Variants in ZBTB41 observed in about 807,000 individuals in gnomAD.
The protein encoded by ZBTB41 is zinc finger and BTB domain containing 41, also known as zinc finger and BTB domain-containing protein 41.
A neutral mutation model predicts 87.6 loss-of-function variants in ZBTB41; 42 were observed. That is an observed-to-expected ratio of 0.48 (90% confidence interval 0.37 to 0.62). ZBTB41 has a LOEUF of 0.62. Ranked by LOEUF, ZBTB41 falls within the 20% of genes least tolerant of loss-of-function variation. The pLI, the probability that ZBTB41 is intolerant of heterozygous loss-of-function variation, is 0.00. For missense variants in ZBTB41, 799 were observed against 1,078.9 expected (o/e 0.74, Z 3.63); for synonymous variants, 364 against 364.0 (o/e 1.00, Z 0.00).
chr1:197,195,657 T>C (rs1660145344), intron 2 of ZBTB41, among the ~76,000 whole-genome samples: 1 of 152,148 alleles, frequency 6.6e-6, no homozygotes, highest in African/African-American at 2.4e-5. Context: ...TTTAATCTAA[T>C]GAAAGATTTT....
Position 197,153,697 on chromosome 1 carries a change from T to G in ZBTB41, c.*5662A>C, listed in dbSNP as rs924840276. ...ATATGCTGTATTAGGACCAAAGAAC[T>G]TTATATTTATTTTAAATATCAAAGT... On this transcript the variant is annotated 3_prime_UTR_variant, in exon 11 of 11. Transcript: ENST00000367405. 2.0e-5 allele frequency: 3 copies of G among 152,152 alleles called. No homozygotes were observed. Among genetic ancestry groups the G allele is most frequent in the Admixed American group, 6.5e-5 (1 of 15,276 alleles). The allele number at this position is 152,152 out of a possible 1,614,324, so 9.4% of individuals were successfully genotyped here. A position where few individuals can be genotyped will look rare whatever the true frequency, so the allele number is the denominator to read the frequency against.
intron 2 of ZBTB41, 21 bp downstream of exon 2, chr1:197,199,333 A>C: frequency 6.8e-7 from 1 of 1,473,292 alleles, no homozygotes; most frequent in Non-Finnish European, 9.0e-7. Flanking sequence ...TAGAGATAGA[A>C]AACCAGTTTT....
chr1:197,167,958 A>G (rs1659390356), intron 10 of ZBTB41, among the ~76,000 whole-genome samples: 1 of 152,116 alleles, frequency 6.6e-6, no homozygotes, highest in Non-Finnish European at 1.5e-5. Flanking sequence ...TATAAAGACT[A>G]AAAAGGGGAA....
Position 197,199,741 on chromosome 1 carries a change from C to T in ZBTB41, c.733G>A (p.Glu245Lys). 1 of 1,613,476 alleles carries T rather than the reference C, an allele frequency of 6.2e-7. No individual in the cohort carries two copies. The highest frequency in any genetic ancestry group is 8.5e-7 in the Non-Finnish European group (1 of 1,179,908). Residue 245 changes from glutamate to lysine, a missense_variant, in exon 2 of 11, where the codon GAG becomes AAG. Glu to Lys is a moderately conservative substitution (Grantham distance 56). Coordinates refer to ENST00000367405, the MANE Select transcript of ZBTB41 (RefSeq NM_194314.3). ...LGKKHGLKML[E>K]RSFSARRSKR... ...GATCTTCTTGCGGAGAAACTTCTCT[C>T]CAGCATTTTTAACCCATGTTTTTTC...
chr1:197,181,038 A>G lies in ZBTB41; in HGVS notation c.1626T>C (p.Gly542=). 2 of 1,605,602 alleles carry G rather than the reference A, an allele frequency of 1.2e-6. No homozygotes were observed. Among genetic ancestry groups the G allele is most frequent in the South Asian group, 2.2e-5 (2 of 89,324 alleles). Residue 542 remains glycine, a synonymous_variant, in exon 6 of 11, where the codon GGT becomes GGC. Transcript: ENST00000367405. ...TAAAGCAAGTCCATTTTCTCTTTCC[A>G]CCATGAGTACATTCTATATGACGTT... is the stretch of plus-strand genomic sequence containing the variant. ...NLKRHIECTH[G]GKRKWTCFIC... is the part of the protein sequence containing the mutation.
intron 5 of ZBTB41, among the ~76,000 whole-genome samples, chr1:197,187,152 C>T (rs1373376766): frequency 1.3e-5 from 2 of 152,160 alleles, no homozygotes; most frequent in African/African-American, 2.4e-5. Context: ...CAGTTTCTTA[C>T]AAACTAATTA....
At chr1:197,163,407 C>T (rs753861300) in intron 10 of ZBTB41, among the ~76,000 whole-genome samples, 4 of 150,574 alleles carry the variant, frequency 2.7e-5, no homozygotes, top group Non-Finnish European at 4.4e-5. Context: ...ATGTACAGGA[C>T]AATACAGGAA....
In ZBTB41 at chr1:197,158,524, T is replaced by C. The variant is rs1179493589; in HGVS notation, c.*835A>G. On this transcript the variant is annotated 3_prime_UTR_variant, in exon 11 of 11. Coordinates refer to ENST00000367405, the MANE Select transcript of ZBTB41 (RefSeq NM_194314.3). ...AGTGAGATGAAGACATATGCTATGT[T>C]GTATTGTCAACATTTCTGAAATAAA... The C allele has an allele frequency of 6.6e-6, 1 of 152,516 alleles. No individual in the cohort carries two copies. Among genetic ancestry groups the C allele is most frequent in the East Asian group, 1.9e-4 (1 of 5,202 alleles). The allele number at this position is 152,516 out of a possible 1,614,324, so 9.4% of individuals were successfully genotyped here.
chr1:197,194,015 C>T (rs923677453), intron 2 of ZBTB41, among the ~76,000 whole-genome samples: 1 of 151,812 alleles, frequency 6.6e-6, no homozygotes, highest in Non-Finnish European at 1.5e-5. Flanking sequence ...CTTAAATCTT[C>T]TCATCTTTCT....
At chr1:197,196,281 C>T (rs1457511531) in intron 2 of ZBTB41, among the ~76,000 whole-genome samples, 5 of 152,116 alleles carry the variant, frequency 3.3e-5, no homozygotes, top group African/African-American at 1.2e-4. Flanking sequence ...TTTAAATAAA[C>T]TGTACTTCTA....
chr1:197,166,204 A>G lies in ZBTB41; in HGVS notation c.2074+5956T>C, dbSNP rs143484474. On this transcript the variant is annotated intron_variant, in intron 10 of 10. Transcript: ENST00000367405. Reference sequence around the variant, plus strand: ...TTAAAGTATAATAATAAAAAAAAAGAAGAAATACAAGCAAAATGGGAGAAA... The same window carrying G: ...TTAAAGTATAATAATAAAAAAAAAGGAGAAATACAAGCAAAATGGGAGAAA... Among the ~76,000 whole-genome samples, 1,336 of 152,304 alleles carry G rather than the reference A, an allele frequency of 8.8e-3. 16 individuals carry two copies. The highest frequency in any genetic ancestry group is 0.028 in the African/African-American group (1,181 of 41,568).
Position 197,199,686 on chromosome 1 carries a change from A to G in ZBTB41, c.788T>C (p.Phe263Ser). ...SKRNRKCPVKFDDTSDDEQES... is the reference protein window; with the variant it reads ...SKRNRKCPVKSDDTSDDEQES... ...CTGTTCATCATCGCTGGTGTCATCA[A>G]ACTTAACAGGGCACTTCCGATTCCT... Residue 263 changes from phenylalanine to serine, a missense_variant, in exon 2 of 11, where the codon TTT becomes TCT. Phe to Ser is a radical substitution (Grantham distance 155, BLOSUM62 -2). Transcript: ENST00000367405. 1.2e-6 allele frequency: 2 copies of G among 1,613,564 alleles called. No individual in the cohort carries two copies. The highest frequency in any genetic ancestry group is 1.7e-6 in the Non-Finnish European group (2 of 1,179,926).
At chr1:197,180,566 G>C (rs1300164382) in intron 6 of ZBTB41, among the ~76,000 whole-genome samples, 1 of 148,854 alleles carries the variant, frequency 6.7e-6, no homozygotes, top group Non-Finnish European at 1.5e-5. Context: ...GATATTCCCA[G>C]ATCCCTACCT....
intron 10 of ZBTB41, among the ~76,000 whole-genome samples, chr1:197,165,682 C>T (rs1659325975): frequency 6.6e-6 from 1 of 151,284 alleles, no homozygotes; most frequent in African/African-American, 2.4e-5. Context: ...TAGAGGATAA[C>T]ATGGCTTTAA....
At chr1:197,165,217 G>A (rs1358990814) in intron 10 of ZBTB41, among the ~76,000 whole-genome samples, 2 of 151,470 alleles carry the variant, frequency 1.3e-5, no homozygotes, top group African/African-American at 4.8e-5. Context: ...TTTAGGAATT[G>A]GGTAATACAA....
chr1:197,183,304 C>A (rs1205577525), intron 5 of ZBTB41, among the ~76,000 whole-genome samples: 2 of 152,158 alleles, frequency 1.3e-5, no homozygotes, highest in African/African-American at 4.8e-5. Context: ...ATATAATCCT[C>A]ACAACAGTAT....
chr1:197,166,355 A>G (rs1241092148), intron 10 of ZBTB41, among the ~76,000 whole-genome samples: 1 of 152,200 alleles, frequency 6.6e-6, no homozygotes, highest in East Asian at 1.9e-4. Context: ...GCATATTACT[A>G]GTAACAGGAA....
At chr1:197,190,223 G>C (rs1245918203) in intron 4 of ZBTB41, among the ~76,000 whole-genome samples, 1 of 152,076 alleles carries the variant, frequency 6.6e-6, no homozygotes, top group East Asian at 1.9e-4. Context: ...ACTCGGCCTT[G>C]AGTGAGCCAC....
chr1:197,191,334 G>A (rs1216820202), intron 3 of ZBTB41, among the ~76,000 whole-genome samples: 1 of 151,496 alleles, frequency 6.6e-6, no homozygotes, highest in African/African-American at 2.4e-5. Context: ...GTGCACGCCT[G>A]TAGTTCCAGC....
Sources: gnomAD v4.1 joint callset for allele counts (sites outside exome capture counted in the v4.1 genomes callset) on GRCh38, gnomAD v4.1.1 for gene constraint, MANE v1.5 for transcripts, NCBI Gene and HGNC (gene_info 2026-07-23, HGNC 2026-07-21) for gene names.